Variants in FHIT observed in about 807,000 individuals in gnomAD.
FHIT encodes bis(5'-adenosyl)-triphosphatase.
A neutral mutation model predicts 17.9 loss-of-function variants in FHIT; 19 were observed. The observed-to-expected ratio is 1.06, with a 90% confidence interval of 0.74 to 1.56. The LOEUF (loss-of-function observed/expected upper bound fraction) is 1.56. Among genes scored for constraint, FHIT ranks in the 40% most tolerant of loss-of-function variants. The pLI, the probability that FHIT is intolerant of heterozygous loss-of-function variation, is 0.00. For synonymous variants in FHIT, 81 were observed against 69.7 expected (o/e 1.16, Z -0.81); for missense variants, 248 against 189.2 (o/e 1.31, Z -1.82).
At chr3:60,400,490 A>G (rs1270542699) in intron 5 of FHIT, among the ~76,000 whole-genome samples, 5 of 152,176 alleles carry the variant, frequency 3.3e-5, no homozygotes, top group South Asian at 4.1e-4. Flanking sequence ...TGTTCTAACA[A>G]TGTTGGTGTT....
At chr3:60,284,107 G>A (rs530669526) in intron 5 of FHIT, among the ~76,000 whole-genome samples, 1 of 151,990 alleles carries the variant, frequency 6.6e-6, no homozygotes, top group Non-Finnish European at 1.5e-5. Flanking sequence ...TATTCAATAA[G>A]AAGGAAGAAG....
At chr3:60,384,465 T>C (rs1016480418) in intron 5 of FHIT, among the ~76,000 whole-genome samples, 1 of 152,148 alleles carries the variant, frequency 6.6e-6, no homozygotes, top group Non-Finnish European at 1.5e-5. Flanking sequence ...TTTAGCCCCA[T>C]GCGAGGAGAG....
intron 4 of FHIT, among the ~76,000 whole-genome samples, chr3:60,574,481 A>AG (rs1228283097): frequency 6.6e-6 from 1 of 151,576 alleles, no homozygotes; most frequent in African/African-American, 2.4e-5. Flanking sequence ...GGCACAGTTG[A>AG]GGCAGGCACT....
chr3:60,185,521 T>C lies in FHIT; in HGVS notation c.104-171369A>G, dbSNP rs370064480. Among the ~76,000 whole-genome samples, 17 of 152,366 alleles carry C rather than the reference T, an allele frequency of 1.1e-4. No individual in the cohort carries two copies. In the South Asian group the frequency reaches 3.1e-3, roughly 28 times the overall value. ...CAGAGCTTGTTTATTCATTCACTTATTGAAGGACATTTTGGTTGTTTCCAG... is the reference window on the plus strand; with the variant it reads ...CAGAGCTTGTTTATTCATTCACTTACTGAAGGACATTTTGGTTGTTTCCAG... On this transcript the variant is annotated intron_variant, in intron 5 of 9. Coordinates refer to ENST00000492590, the MANE Select transcript of FHIT (RefSeq NM_002012.4).
rs1311327004 is a variant in FHIT at position 60,739,491 on chromosome 3, C to A, written c.-18+82428G>T. 2.0e-5 allele frequency among the ~76,000 whole-genome samples: 3 copies of A among 152,194 alleles called. No homozygotes were observed. In the East Asian group the frequency reaches 5.8e-4, roughly 29 times the overall value. ...TTCATGGTGGTTGAACAGAGAGCCG[C>A]ACCCCTGTCGCATGCCCCATGAGTG... On this transcript the variant is annotated intron_variant, in intron 4 of 9. Coordinates refer to ENST00000492590, the MANE Select transcript of FHIT (RefSeq NM_002012.4).
chr3:61,182,945 C>A (rs1354834130), intron 2 of FHIT, among the ~76,000 whole-genome samples: 1 of 152,200 alleles, frequency 6.6e-6, no homozygotes, highest in Admixed American at 6.5e-5. Context: ...TCTGAGCTCA[C>A]AAATTATCCA....
chr3:60,305,531 T>G (rs1302302877), intron 5 of FHIT, among the ~76,000 whole-genome samples: 1 of 152,168 alleles, frequency 6.6e-6, no homozygotes, highest in East Asian at 1.9e-4. Context: ...CCAAACACTG[T>G]GCATCTCCAA....
intron 5 of FHIT, among the ~76,000 whole-genome samples, chr3:60,358,807 G>A (rs369543022): frequency 5.9e-5 from 9 of 152,270 alleles, no homozygotes; most frequent in African/African-American, 2.2e-4. Flanking sequence ...CTAGTTGTAG[G>A]TCTTTGGGGA....
At position 60,657,208 on chromosome 3, in the gene FHIT, T is replaced by A. The variant is rs953989653; in HGVS notation, c.-17-120229A>T. On this transcript the variant is annotated intron_variant, in intron 4 of 9. Coordinates refer to ENST00000492590, the MANE Select transcript of FHIT (RefSeq NM_002012.4). ...ACAAAGTGCTGATTCTCAACCAGTA[T>A]CCCTAGGAGGCACTAGGAAATGGAG... 6.6e-5 allele frequency among the ~76,000 whole-genome samples: 10 copies of A among 152,192 alleles called. No individual in the cohort carries two copies. In the East Asian group the frequency reaches 1.5e-3, roughly 24 times the overall value.
intron 7 of FHIT, among the ~76,000 whole-genome samples, chr3:59,928,767 C>T (rs1399625127): frequency 1.3e-4 from 19 of 151,984 alleles, no homozygotes; most frequent in East Asian, 1.9e-4. Context: ...GAGGCCAAGG[C>T]GGGTGGATCA....
chr3:60,311,352 G>T (rs1329164806), intron 5 of FHIT, among the ~76,000 whole-genome samples: 6 of 151,920 alleles, frequency 3.9e-5, no homozygotes, highest in Admixed American at 3.9e-4. Context: ...TGTATATTCT[G>T]GACCCAAGTA....
At chr3:60,878,734 G>A (rs1405555076) in intron 3 of FHIT, among the ~76,000 whole-genome samples, 5 of 151,834 alleles carry the variant, frequency 3.3e-5, no homozygotes, top group East Asian at 1.9e-4. Flanking sequence ...GTGAGAACAC[G>A]CGGTGTTTGG....
chr3:61,138,234 C>G (rs142201368), intron 2 of FHIT, among the ~76,000 whole-genome samples: 83 of 152,328 alleles, frequency 5.4e-4, no homozygotes, highest in African/African-American at 1.9e-3. Context: ...GAAAGACAAC[C>G]TGGCTGGTCC....
At chr3:60,636,070 ATTTT>A (rs3037240) in intron 4 of FHIT, among the ~76,000 whole-genome samples, 1 of 146,936 alleles carries the variant, frequency 6.8e-6, no homozygotes, top group Non-Finnish European at 1.5e-5. Flanking sequence ...TTGTACAATG[ATTTT>A]TTTTTTTTGA....
intron 8 of FHIT, among the ~76,000 whole-genome samples, chr3:59,806,333 G>T (rs1213678057): frequency 6.6e-6 from 1 of 152,056 alleles, no homozygotes; most frequent in African/African-American, 2.4e-5. Flanking sequence ...TTGTAATAAG[G>T]TAACTGAGGC....
chr3:60,191,350 G>A (rs1702395292), intron 5 of FHIT, among the ~76,000 whole-genome samples: 1 of 152,246 alleles, frequency 6.6e-6, no homozygotes, highest in African/African-American at 2.4e-5. Context: ...ATAACCAACT[G>A]TTGACTAGTC....
chr3:60,087,315 C>G (rs1220550215), intron 5 of FHIT, among the ~76,000 whole-genome samples: 1 of 152,092 alleles, frequency 6.6e-6, no homozygotes, highest in Non-Finnish European at 1.5e-5. Flanking sequence ...CCTTAAGGGC[C>G]TTTTTCCCAT....
intron 2 of FHIT, among the ~76,000 whole-genome samples, chr3:61,092,010 T>A (rs1402168359): frequency 6.7e-6 from 1 of 149,258 alleles, no homozygotes; most frequent in Admixed American, 6.7e-5. Flanking sequence ...CAGTTAGTTC[T>A]TCAGGCTACT....
At position 60,011,400 on chromosome 3, in the gene FHIT, C is replaced by T. The variant is rs781597386; in HGVS notation, c.250G>A (p.Asp84Asn). The part of the protein sequence containing the change: ...HGTSLTFSMQ[D>N]GPEAGQTVKH... ...ACAGTCTGTCCGGCTTCGGGGCCAT[C>T]CTAGAAGTAGGAAAAAACCAACAGA... is the stretch of plus-strand genomic sequence containing the variant. Residue 84 changes from aspartate to asparagine, a missense_variant and splice_region_variant, in exon 7 of 10, where the codon GAT becomes AAT. By Grantham distance (23) the Asp-to-Asn change is conservative (BLOSUM62 1). Coordinates refer to ENST00000492590, the MANE Select transcript of FHIT (RefSeq NM_002012.4). 32 of 1,613,306 alleles carry T rather than the reference C, an allele frequency of 2.0e-5. No homozygotes were observed. The highest frequency in any genetic ancestry group is 2.7e-5 in the Non-Finnish European group (32 of 1,179,524).
Sources: allele counts gnomAD v4.1 joint callset (sites outside exome capture counted in the v4.1 genomes callset), GRCh38; gene constraint gnomAD v4.1.1; transcripts MANE v1.5; gene names NCBI Gene and HGNC (gene_info 2026-07-23, HGNC 2026-07-21).